DYNAP: variants seen among roughly 807,000 people sequenced by gnomAD.
DYNAP encodes the protein dynactin associated protein.
Under a neutral mutation model 8.5 loss-of-function variants are expected in DYNAP, and 7 were observed. The ratio of observed to expected loss-of-function variants is 0.82; its 90% CI spans 0.47 to 1.54. The LOEUF is 1.54. DYNAP is among the 40% of genes most tolerant of loss of function. The pLI, the probability that DYNAP is intolerant of heterozygous loss-of-function variation, is 0.01. For missense variants in DYNAP, 256 were observed against 224.3 expected, an observed-to-expected ratio of 1.14 and a Z score of -0.90; for synonymous variants, 77 against 77.9, an observed-to-expected ratio of 0.99 and a Z score of 0.06.
At chr18:54,592,758 C>G (rs1911131129) in intron 1 of DYNAP, among the ~76,000 whole-genome samples, 1 of 152,104 alleles carries the variant, frequency 6.6e-6, no homozygotes, top group African/African-American at 2.4e-5. Context: ...GTCAGAGCAA[C>G]CTGACACAGT....
At chr18:54,593,511 A>G (rs1334651449) in intron 1 of DYNAP, among the ~76,000 whole-genome samples, 2 of 152,198 alleles carry the variant, frequency 1.3e-5, no homozygotes, top group East Asian at 3.8e-4. Context: ...TAATTTTAGT[A>G]TTCTCCTTTT....
the DYNAP span, among the ~76,000 whole-genome samples, chr18:54,576,984 CTGTT>C: frequency 2.6e-5 from 4 of 152,108 alleles, no homozygotes; most frequent in Non-Finnish European, 2.9e-5. Context: ...TGGCAAAAAA[CTGTT>C]TGTGCTAGCT....
upstream of DYNAP, among the ~76,000 whole-genome samples, chr18:54,590,648 A>G (rs532147669): frequency 2.0e-5 from 3 of 152,294 alleles, no homozygotes; most frequent in South Asian, 6.2e-4. Context: ...TCATTTTACA[A>G]TTTAAGACAA....
At chr18:54,589,734 T>G (rs192517128), upstream of DYNAP, among the ~76,000 whole-genome samples, 1 of 152,270 alleles carries the variant, frequency 6.6e-6, no homozygotes. Flanking sequence ...TGTGGCTATG[T>G]GGCTCTACTG....
In DYNAP at chr18:54,599,180, T is replaced by C. The variant is rs1490769663; in HGVS notation, c.*1035T>C. The stretch of plus-strand genomic sequence containing the variant: ...TGTTCTCAGGACCTCCTGAGGGCTA[T>C]GTCATGAGCCATGGTCACTCATATT... On this transcript the variant is annotated 3_prime_UTR_variant, in exon 3 of 3. Coordinates refer to ENST00000648945, the MANE Select transcript of DYNAP (RefSeq NM_173629.3). 2.0e-5 allele frequency: 3 copies of C among 152,178 alleles called. No homozygotes were observed. The highest frequency in any genetic ancestry group is 7.2e-5 in the African/African-American group (3 of 41,460). 9.4% of individuals were successfully genotyped at this position (152,178 alleles called of 1,614,324 possible).
Position 54,599,120 on chromosome 18 carries a change from TA to T in DYNAP, c.*979del, listed in dbSNP as rs1911432280. ...TGTCTCATGTCTCCCTAAAAATATA[TA>T]AAACCAAACTGTACCTTAGCCACTT... On this transcript the variant is annotated 3_prime_UTR_variant, in exon 3 of 3. Coordinates refer to ENST00000648945, the MANE Select transcript of DYNAP (RefSeq NM_173629.3). 2.0e-5 allele frequency: 3 copies of T among 152,248 alleles called. No homozygotes were observed. The South Asian group carries it at 6.2e-4, about 32-fold the overall frequency. The allele number at this position is 152,248 out of a possible 1,614,324, so 9.4% of individuals were successfully genotyped here. A position where few individuals can be genotyped will look rare whatever the true frequency, so the allele number is the denominator to read the frequency against.
At chr18:54,595,621 C>G (rs1158810169) in intron 2 of DYNAP, among the ~76,000 whole-genome samples, 1 of 152,124 alleles carries the variant, frequency 6.6e-6, no homozygotes, top group African/African-American at 2.4e-5. Context: ...AGAAACCTTA[C>G]TGTTCTCTGG....
At chr18:54,575,742 C>G in the DYNAP span, among the ~76,000 whole-genome samples, 1 of 151,918 alleles carries the variant, frequency 6.6e-6, no homozygotes, top group East Asian at 1.9e-4. Flanking sequence ...GGTACCTGGC[C>G]TCTTTCTTTA....
At chr18:54,591,445 T>A in intron 1 of DYNAP, 106 bp downstream of exon 1, 2 of 1,329,250 alleles carry the variant, frequency 1.5e-6, no homozygotes, top group Non-Finnish European at 1.0e-6. Flanking sequence ...ACATCATAAT[T>A]TTGCATTCTT....
In DYNAP at chr18:54,596,061, A is replaced by G. The variant is rs141009257; in HGVS notation, c.222+958A>G. On this transcript the variant is annotated intron_variant, in intron 2 of 2. Coordinates refer to ENST00000648945, the MANE Select transcript of DYNAP (RefSeq NM_173629.3). ...ATTGAGTCTGCTAGCTCTTTTTTTT[A>G]TTTTTATTTTTTATTTTTTTGTTTT... Among the ~76,000 whole-genome samples, 101 of 151,432 alleles carry G rather than the reference A, an allele frequency of 6.7e-4. 1 individual carries two copies. Among genetic ancestry groups the G allele is most frequent in the African/African-American group, 2.2e-3 (90 of 41,308 alleles).
the DYNAP span, among the ~76,000 whole-genome samples, chr18:54,578,214 G>C: frequency 6.6e-6 from 1 of 152,156 alleles, no homozygotes. Context: ...TTAGAGGAAT[G>C]ATGTCTATGG....
chr18:54,592,469 A>C (rs1209537708), intron 1 of DYNAP, among the ~76,000 whole-genome samples: 5 of 152,120 alleles, frequency 3.3e-5, no homozygotes, highest in Admixed American at 3.3e-4. Context: ...TTCAAACCAA[A>C]TTCAATAATG....
the DYNAP span, among the ~76,000 whole-genome samples, chr18:54,582,045 G>T: frequency 6.6e-6 from 1 of 152,154 alleles, no homozygotes; most frequent in Non-Finnish European, 1.5e-5. Context: ...CCAGCACTTT[G>T]GTAAGCCGAG....
chr18:54,585,267 A>C (rs1280455377), upstream of DYNAP, among the ~76,000 whole-genome samples: 3 of 152,142 alleles, frequency 2.0e-5, no homozygotes, highest in Non-Finnish European at 4.4e-5. Context: ...TGAGGCCATA[A>C]AACTAGTTAT....
At chr18:54,584,280 TATTA>T (rs904895656), upstream of DYNAP, among the ~76,000 whole-genome samples, 89 of 148,250 alleles carry the variant, frequency 6.0e-4, no homozygotes, top group African/African-American at 1.2e-3. Flanking sequence ...TTAATATTTA[TATTA>T]ATTAATAATT....
At chr18:54,575,952 C>T in the DYNAP span, among the ~76,000 whole-genome samples, 12 of 152,178 alleles carry the variant, frequency 7.9e-5, no homozygotes, top group Admixed American at 7.9e-4. Flanking sequence ...ATTCTAATCT[C>T]TCTCATCATC....
chr18:54,576,019 C>G, the DYNAP span, among the ~76,000 whole-genome samples: 1 of 152,168 alleles, frequency 6.6e-6, no homozygotes, highest in African/African-American at 2.4e-5. Flanking sequence ...TGTCTGATAT[C>G]TCTCAGTAAA....
At chr18:54,596,618 G>A (rs1047860891) in intron 2 of DYNAP, among the ~76,000 whole-genome samples, 1 of 152,164 alleles carries the variant, frequency 6.6e-6, no homozygotes, top group African/African-American at 2.4e-5. Flanking sequence ...AGTTTAGAGA[G>A]TTGCTAGAAC....
At chr18:54,576,465 A>G in the DYNAP span, among the ~76,000 whole-genome samples, 1 of 152,104 alleles carries the variant, frequency 6.6e-6, no homozygotes, top group East Asian at 1.9e-4. Context: ...TTTTATGGGT[A>G]TCTAGGCAAT....
Sources: allele counts gnomAD v4.1 joint callset (sites outside exome capture counted in the v4.1 genomes callset), GRCh38; gene constraint gnomAD v4.1.1; transcripts MANE v1.5; gene names NCBI Gene and HGNC (gene_info 2026-07-23, HGNC 2026-07-21).